NKAIN3: variants seen among roughly 807,000 people sequenced by gnomAD.
NKAIN3 encodes the protein sodium/potassium-transporting ATPase subunit beta-1-interacting protein 3.
Under a neutral mutation model 30.2 loss-of-function variants are expected in NKAIN3, and 25 were observed. The observed-to-expected ratio is 0.83, with a 90% CI of 0.60 to 1.16. The LOEUF is 1.16. NKAIN3 is among the 50% of genes most tolerant of loss of function. The pLI, the probability that NKAIN3 is intolerant of heterozygous loss-of-function variation, is 0.00. For synonymous variants in NKAIN3, 91 were observed against 89.6 expected, an observed-to-expected ratio of 1.02 and a Z score of -0.09; for missense variants, 225 against 254.1, an observed-to-expected ratio of 0.89 and a Z score of 0.78.
rs59358606 is a variant in NKAIN3 at position 62,400,701 on chromosome 8, G to GTT, written c.54+151584_54+151585dup. Among the ~76,000 whole-genome samples the GTT allele has an allele frequency of 5.6e-3, 824 of 148,328 alleles. 7 individuals carry two copies. The highest frequency in any genetic ancestry group is 0.017 in the African/African-American group (683 of 40,442). Reference sequence around the variant, plus strand: ...TACTATTCTACAATAAAAGTTAACAGTTTTTTTTTTTCTTTTGACACTTTA... The same window carrying GTT: ...TACTATTCTACAATAAAAGTTAACAGTTTTTTTTTTTTTCTTTTGACACTTTA... On this transcript the variant is annotated intron_variant, in intron 1 of 6. Coordinates refer to ENST00000623646, the MANE Select transcript of NKAIN3 (RefSeq NM_001304533.3).
At chr8:62,706,600 C>T (rs1390729142) in intron 3 of NKAIN3, among the ~76,000 whole-genome samples, 3 of 151,938 alleles carry the variant, frequency 2.0e-5, no homozygotes, top group Non-Finnish European at 4.4e-5. Context: ...ATATACACCC[C>T]TTTGCTATCA....
At chr8:62,515,917 C>A (rs377272649) in intron 1 of NKAIN3, among the ~76,000 whole-genome samples, 40 of 152,084 alleles carry the variant, frequency 2.6e-4, no homozygotes, top group African/African-American at 8.9e-4. Context: ...TGTTTCCTGT[C>A]TTCTTGATTT....
intron 1 of NKAIN3, among the ~76,000 whole-genome samples, chr8:62,341,186 A>C (rs1019763856): frequency 6.6e-6 from 1 of 151,952 alleles, no homozygotes; most frequent in Non-Finnish European, 1.5e-5. Flanking sequence ...AATTTGATCT[A>C]TTTGTGTATG....
intron 1 of NKAIN3, among the ~76,000 whole-genome samples, chr8:62,343,083 A>G (rs912032373): frequency 2.0e-5 from 3 of 152,020 alleles, no homozygotes; most frequent in Non-Finnish European, 4.4e-5. Context: ...GACTAAAACC[A>G]AATATTATTA....
Position 62,827,554 on chromosome 8 carries a change from C to T in NKAIN3, c.471+80425C>T, listed in dbSNP as rs1272840528. Among the ~76,000 whole-genome samples, 4 of 152,294 alleles carry T rather than the reference C, an allele frequency of 2.6e-5. No individual in the cohort carries two copies. The East Asian group carries it at 7.7e-4, about 29-fold the overall frequency. ...TTCACCTAAATCATCTGGCTGGCAGCATGACACATGGGCAAGAGGCAGATG... is the reference window on the plus strand; with the variant it reads ...TTCACCTAAATCATCTGGCTGGCAGTATGACACATGGGCAAGAGGCAGATG... On this transcript the variant is annotated intron_variant, in intron 4 of 6. Transcript: ENST00000623646.
intron 4 of NKAIN3, among the ~76,000 whole-genome samples, chr8:62,764,344 T>C (rs773669970): frequency 1.3e-5 from 2 of 152,250 alleles, no homozygotes; most frequent in Non-Finnish European, 2.9e-5. Flanking sequence ...AAAATAAGTA[T>C]TTTGTTCAAG....
At chr8:62,592,485 C>A (rs1245402560) in intron 3 of NKAIN3, among the ~76,000 whole-genome samples, 1 of 151,770 alleles carries the variant, frequency 6.6e-6, no homozygotes, top group East Asian at 1.9e-4. Context: ...ATAGAGTAAC[C>A]AATATAACTA....
chr8:62,525,357 T>C (rs1316597412), intron 1 of NKAIN3, among the ~76,000 whole-genome samples: 1 of 151,782 alleles, frequency 6.6e-6, no homozygotes, highest in African/African-American at 2.4e-5. Flanking sequence ...TCAGAAGGAG[T>C]TCTTGCTTTT....
intron 4 of NKAIN3, among the ~76,000 whole-genome samples, chr8:62,858,057 G>T (rs1207824171): frequency 1.3e-5 from 2 of 149,330 alleles, no homozygotes; most frequent in South Asian, 2.1e-4. Flanking sequence ...TGTTTTCTGT[G>T]TTTTTTTTGT....
At chr8:62,897,721 C>T (rs1042476472) in intron 4 of NKAIN3, among the ~76,000 whole-genome samples, 2 of 152,142 alleles carry the variant, frequency 1.3e-5, no homozygotes, top group Non-Finnish European at 2.9e-5. Flanking sequence ...CATGAATAGA[C>T]TAATGCTCTC....
At chr8:62,661,146 G>A (rs1014662871) in intron 3 of NKAIN3, among the ~76,000 whole-genome samples, 2 of 152,296 alleles carry the variant, frequency 1.3e-5, no homozygotes, top group East Asian at 1.9e-4. Flanking sequence ...AAGCACGTAC[G>A]CCATCCTTCC....
At chr8:62,729,756 A>G (rs1182392449) in intron 3 of NKAIN3, among the ~76,000 whole-genome samples, 1 of 152,142 alleles carries the variant, frequency 6.6e-6, no homozygotes, top group African/African-American at 2.4e-5. Context: ...ATTTATTTCC[A>G]CTTCACATAG....
intron 1 of NKAIN3, chr8:62,474,384 C>T (rs1387509431): frequency 6.6e-6 from 1 of 152,114 alleles, no homozygotes. Context: ...CAAAAGAAAC[C>T]TGCAAACGCT....
At chr8:62,474,982 G>A (rs1392359613) in intron 1 of NKAIN3, among the ~76,000 whole-genome samples, 6 of 152,104 alleles carry the variant, frequency 3.9e-5, no homozygotes, top group Non-Finnish European at 5.9e-5. Context: ...CATACATATT[G>A]TAATTCTCAG....
chr8:62,695,859 C>T (rs1199632322), intron 3 of NKAIN3, among the ~76,000 whole-genome samples: 3 of 152,122 alleles, frequency 2.0e-5, no homozygotes, highest in African/African-American at 7.2e-5. Context: ...GCCATTTGCT[C>T]TTCTCTCACA....
At chr8:62,435,542 A>G (rs972966712) in intron 1 of NKAIN3, among the ~76,000 whole-genome samples, 2 of 152,180 alleles carry the variant, frequency 1.3e-5, no homozygotes, top group African/African-American at 4.8e-5. Context: ...TATCTTTACA[A>G]ACAAACGAAG....
intron 1 of NKAIN3, among the ~76,000 whole-genome samples, chr8:62,267,310 C>A (rs1435828647): frequency 6.6e-6 from 1 of 152,126 alleles, no homozygotes; most frequent in Non-Finnish European, 1.5e-5. Flanking sequence ...AAACATTTTT[C>A]CTTATACAGA....
intron 4 of NKAIN3, among the ~76,000 whole-genome samples, chr8:62,800,620 A>C (rs575998755): frequency 4.1e-4 from 62 of 152,280 alleles, no homozygotes; most frequent in Admixed American, 1.4e-3. Context: ...TTCTTTAAAA[A>C]CAATATCAGT....
chr8:62,673,142 C>T (rs1034445463), intron 3 of NKAIN3, among the ~76,000 whole-genome samples: 5 of 152,328 alleles, frequency 3.3e-5, no homozygotes, highest in Middle Eastern at 6.8e-3. Flanking sequence ...TGTCTGATTC[C>T]AGCGTCAGAG....
Sources: allele counts gnomAD v4.1 joint callset (sites outside exome capture counted in the v4.1 genomes callset), GRCh38; gene constraint gnomAD v4.1.1; transcripts MANE v1.5; gene names NCBI Gene and HGNC (gene_info 2026-07-23, HGNC 2026-07-21).